Variants in TEX11 observed in about 807,000 individuals in gnomAD.
TEX11 encodes the protein testis expressed 11.
TEX11 carries 7 observed loss-of-function variants against 84.4 expected under a neutral mutation model. The ratio of observed to expected loss-of-function variants is 0.08; its 90% CI spans 0.05 to 0.16. TEX11 has a LOEUF of 0.16. Among genes scored for constraint, TEX11 ranks in the 10% least tolerant of loss-of-function variants. TEX11 has a pLI of 1.00. For missense variants in TEX11, 551 were observed against 660.5 expected, an observed-to-expected ratio of 0.83 and a Z score of 1.82; for synonymous variants, 264 against 222.8, an observed-to-expected ratio of 1.18 and a Z score of -1.64.
At chrX:70,687,961 C>T (rs781219861) in intron 13 of TEX11, among the ~76,000 whole-genome samples, 1 of 109,857 alleles carries the variant, frequency 9.1e-6, no homozygotes, top group South Asian at 3.9e-4. Flanking sequence ...AGAGAGAAAA[C>T]AGACTGAAAA....
chrX:70,857,783 T>C (rs1706224045), intron 5 of TEX11, among the ~76,000 whole-genome samples: 1 of 111,666 alleles, frequency 9.0e-6, no homozygotes, highest in African/African-American at 3.2e-5. Flanking sequence ...TGCATGTGTA[T>C]TGCAAAATTG....
chrX:70,871,302 C>T (rs1321566770), intron 4 of TEX11, among the ~76,000 whole-genome samples: 1 of 112,220 alleles, frequency 8.9e-6, no homozygotes, highest in Non-Finnish European at 1.9e-5. Flanking sequence ...CAACTACCAC[C>T]TCTGTGTAAA....
chrX:70,591,561 T>A (rs945094554), intron 25 of TEX11, among the ~76,000 whole-genome samples, 190 bp downstream of exon 25: 28 of 110,283 alleles, frequency 2.5e-4, no homozygotes, highest in Admixed American at 1.2e-3. Flanking sequence ...CAAGATCACA[T>A]CACCGCGCTC....
At chrX:70,599,000 T>C (rs2089049265) in intron 24 of TEX11, among the ~76,000 whole-genome samples, 1 of 111,493 alleles carries the variant, frequency 9.0e-6, no homozygotes, top group Non-Finnish European at 1.9e-5. Flanking sequence ...TCTAAGAATA[T>C]TCTAAAAACC....
chrX:70,890,959 C>T (rs770043230), intron 2 of TEX11, among the ~76,000 whole-genome samples: 4 of 112,070 alleles, frequency 3.6e-5, no homozygotes, highest in Admixed American at 9.5e-5. Context: ...CAGTAGGGGC[C>T]GACTGACATC....
At chrX:70,846,891 T>C (rs1315584345) in intron 7 of TEX11, among the ~76,000 whole-genome samples, 1 of 110,628 alleles carries the variant, frequency 9.0e-6, no homozygotes, top group East Asian at 2.8e-4. Context: ...GCCACTGCAC[T>C]ACAACCTAGG....
chrX:70,622,365 GTGTT>G (rs1205823708), intron 20 of TEX11, among the ~76,000 whole-genome samples: 1 of 112,075 alleles, frequency 8.9e-6, no homozygotes. Context: ...ATTTTAAAAA[GTGTT>G]TGTAATTTCT....
At chrX:70,514,830 G>C in the TEX11 span, among the ~76,000 whole-genome samples, 2 of 111,064 alleles carry the variant, frequency 1.8e-5, no homozygotes, top group Non-Finnish European at 3.8e-5. Flanking sequence ...CACTTTGGGA[G>C]GCTGAGGCAG....
intron 21 of TEX11, among the ~76,000 whole-genome samples, chrX:70,609,631 G>A (rs763677477): frequency 4.5e-5 from 5 of 112,246 alleles, no homozygotes; most frequent in Non-Finnish European, 9.4e-5. Context: ...AAATAAGAAT[G>A]CCAACCAGCA....
At chrX:70,744,853 G>A (rs1193791471) in intron 9 of TEX11, among the ~76,000 whole-genome samples, 1 of 108,678 alleles carries the variant, frequency 9.2e-6, no homozygotes, top group African/African-American at 3.4e-5. Context: ...TAGGATTATA[G>A]GAACTCATCA....
intron 9 of TEX11, among the ~76,000 whole-genome samples, chrX:70,758,074 C>T (rs1029035086): frequency 4.5e-5 from 5 of 111,948 alleles, no homozygotes; most frequent in African/African-American, 1.3e-4. Flanking sequence ...GAAGAGCTAA[C>T]TATCCTAAAT....
chrX:70,572,387 T>A (rs757964206), intron 25 of TEX11, among the ~76,000 whole-genome samples: 30 of 111,520 alleles, frequency 2.7e-4, no homozygotes, highest in Non-Finnish European at 4.9e-4. Context: ...ATAGGAACAC[T>A]TTTACACTGT....
At chrX:70,743,775 C>T (rs2090748926) in intron 10 of TEX11, among the ~76,000 whole-genome samples, 1 of 108,110 alleles carries the variant, frequency 9.2e-6, no homozygotes, top group Non-Finnish European at 1.9e-5. Flanking sequence ...ACTTGGGAGG[C>T]TGAGGCACCA....
At chrX:70,697,959 TTTTA>T (rs1156556178) in intron 13 of TEX11, among the ~76,000 whole-genome samples, 5 of 111,990 alleles carry the variant, frequency 4.5e-5, no homozygotes, top group Non-Finnish European at 9.4e-5. Flanking sequence ...AATAGTTAAT[TTTTA>T]TTTATTTATT....
chrX:70,793,169 T>A (rs1340282926), intron 9 of TEX11, among the ~76,000 whole-genome samples: 2 of 111,251 alleles, frequency 1.8e-5, no homozygotes, highest in Non-Finnish European at 3.8e-5. Flanking sequence ...AAACCCCCAA[T>A]ACACTAGGCA....
chrX:70,869,112 T>TAAAATAAAATAAAATAAAACAAAAC (rs57359965), intron 4 of TEX11, among the ~76,000 whole-genome samples: 1 of 77,953 alleles, frequency 1.3e-5, no homozygotes, highest in Non-Finnish European at 2.7e-5. Context: ...TAAAATAAAA[T>TAAAATAAAATAAAATAAAACAAAAC]AAAACAAAAT....
chrX:70,806,621 A>G, intron 9 of TEX11, 84 bp downstream of exon 9: 2 of 640,981 alleles, frequency 3.1e-6, no homozygotes, highest in South Asian at 5.3e-5. Flanking sequence ...GAAGGTTTAA[A>G]CTGCCAAAGT....
intron 2 of TEX11, 84 bp downstream of exon 2, chrX:70,907,669 G>A (rs2091841243): frequency 2.6e-6 from 2 of 768,513 alleles, no homozygotes; most frequent in East Asian, 6.4e-5. Flanking sequence ...TGAGATTACA[G>A]GCGTGAGCCA....
At chrX:70,741,032 T>A (rs1167375001) in intron 10 of TEX11, among the ~76,000 whole-genome samples, 1 of 111,418 alleles carries the variant, frequency 9.0e-6, no homozygotes, top group Non-Finnish European at 1.9e-5. Context: ...TTACATTTAA[T>A]ATAATTATGT....
Sources: gnomAD v4.1 joint callset for allele counts (sites outside exome capture counted in the v4.1 genomes callset) on GRCh38, gnomAD v4.1.1 for gene constraint, MANE v1.5 for transcripts, NCBI Gene and HGNC (gene_info 2026-07-23, HGNC 2026-07-21) for gene names.